MBNL1: variants seen among roughly 807,000 people sequenced by gnomAD.
MBNL1 encodes muscleblind like splicing regulator 1.
MBNL1 carries 8 observed loss-of-function variants against 42.2 expected under a neutral mutation model. The ratio of observed to expected loss-of-function variants is 0.19; its 90% CI spans 0.11 to 0.34. The LOEUF is 0.34. Among genes scored for constraint, MBNL1 ranks in the 10% least tolerant of loss-of-function variants. The probability of loss-of-function intolerance (pLI) is 1.00; values close to 1 mark genes in which losing one functional copy is unlikely to be tolerated. For missense variants in MBNL1, 309 were observed against 495.3 expected, an observed-to-expected ratio of 0.62 and a Z score of 3.57; for synonymous variants, 169 against 173.9, an observed-to-expected ratio of 0.97 and a Z score of 0.22.
intron 2 of MBNL1, among the ~76,000 whole-genome samples, chr3:152,412,602 T>C (rs2098607960): frequency 6.6e-6 from 1 of 152,118 alleles, no homozygotes; most frequent in African/African-American, 2.4e-5. Flanking sequence ...AGAATGAAAA[T>C]CAAAAGTCTG....
intron 3 of MBNL1, among the ~76,000 whole-genome samples, chr3:152,431,731 T>C (rs1053497292): frequency 1.3e-5 from 2 of 152,234 alleles, no homozygotes; most frequent in Non-Finnish European, 2.9e-5. Flanking sequence ...AGCATTAAAC[T>C]TCAAGAATTA....
intron 1 of MBNL1, among the ~76,000 whole-genome samples, chr3:152,287,354 C>T (rs930878629): frequency 2.0e-5 from 3 of 152,016 alleles, no homozygotes; most frequent in East Asian, 3.9e-4. Context: ...CTGAAGTAGT[C>T]GATGGAATAT....
Position 152,299,830 on chromosome 3 carries a change from C to T in MBNL1, c.-364C>T, listed in dbSNP as rs1234187247. On this transcript the variant is annotated 5_prime_UTR_variant, in exon 2 of 10. Transcript: ENST00000324210. ...GCTTGGAAATTCGGTGTCGAAGGGT[C>T]TGCCACGTTTTCATGCTTGCATTTT... The T allele has an allele frequency of 2.2e-5, 9 of 405,522 alleles. No individual in the cohort carries two copies. The highest frequency in any genetic ancestry group is 3.0e-5 in the Non-Finnish European group (7 of 230,524). The allele number at this position is 405,522 out of a possible 1,614,324, so 25.1% of individuals were successfully genotyped here.
intron 4 of MBNL1, among the ~76,000 whole-genome samples, chr3:152,433,427 A>G (rs2099032916): frequency 1.3e-5 from 2 of 152,212 alleles, no homozygotes; most frequent in African/African-American, 2.4e-5. Context: ...GTTGAAGTAG[A>G]AAGAAAACCT....
chr3:152,305,645 A>G (rs928316074), intron 2 of MBNL1, among the ~76,000 whole-genome samples: 2 of 152,194 alleles, frequency 1.3e-5, no homozygotes, highest in Non-Finnish European at 2.9e-5. Flanking sequence ...CACTGATGAT[A>G]GTTATTAGCA....
At chr3:152,351,699 T>C (rs542877059) in intron 2 of MBNL1, among the ~76,000 whole-genome samples, 52 of 152,306 alleles carry the variant, frequency 3.4e-4, no homozygotes, top group African/African-American at 1.2e-3. Context: ...TCACTAGCTA[T>C]GCAATCAGAT....
intron 2 of MBNL1, among the ~76,000 whole-genome samples, chr3:152,257,823 T>C (rs1055144969): frequency 6.6e-6 from 1 of 152,214 alleles, no homozygotes; most frequent in African/African-American, 2.4e-5. Context: ...AATATAGTGC[T>C]AAAGGAAGTG....
chr3:152,337,650 A>G (rs1259965232), intron 2 of MBNL1, among the ~76,000 whole-genome samples: 2 of 151,606 alleles, frequency 1.3e-5, no homozygotes, highest in Non-Finnish European at 2.9e-5. Flanking sequence ...AGGAAAAGAA[A>G]CACCAACTAA....
At chr3:152,329,130 C>T (rs1230534935) in intron 2 of MBNL1, among the ~76,000 whole-genome samples, 1 of 151,940 alleles carries the variant, frequency 6.6e-6, no homozygotes, top group African/African-American at 2.4e-5. Context: ...GAATGTGGAA[C>T]TGGAAGTGCT....
intron 1 of MBNL1, among the ~76,000 whole-genome samples, chr3:152,271,200 T>C (rs1263777461): frequency 6.6e-6 from 1 of 152,236 alleles, no homozygotes; most frequent in Admixed American, 6.5e-5. Context: ...AGACTCCAAG[T>C]TGAATTCATT....
chr3:152,347,512 C>T (rs763122463), intron 2 of MBNL1, among the ~76,000 whole-genome samples: 2 of 152,004 alleles, frequency 1.3e-5, no homozygotes, highest in Non-Finnish European at 2.9e-5. Flanking sequence ...TCAAATATGT[C>T]GACCTTTATA....
At chr3:152,297,344 G>GTTT (rs1201662855) in intron 1 of MBNL1, among the ~76,000 whole-genome samples, 7 of 124,358 alleles carry the variant, frequency 5.6e-5, no homozygotes, top group African/African-American at 1.5e-4. Context: ...TGGGGATGAG[G>GTTT]TTTTTTTTTT....
chr3:152,331,570 T>G (rs1188248209), intron 2 of MBNL1, among the ~76,000 whole-genome samples: 2 of 152,154 alleles, frequency 1.3e-5, no homozygotes, highest in Non-Finnish European at 2.9e-5. Context: ...TTATGCTTAT[T>G]AATTCATTTA....
At chr3:152,290,763 CATTT>C (rs2055456366) in intron 1 of MBNL1, among the ~76,000 whole-genome samples, 1 of 152,072 alleles carries the variant, frequency 6.6e-6, no homozygotes, top group Non-Finnish European at 1.5e-5. Flanking sequence ...AAATAATACT[CATTT>C]AAGTAAGCTT....
chr3:152,399,632 T>C (rs2098129361), intron 2 of MBNL1, among the ~76,000 whole-genome samples: 1 of 152,074 alleles, frequency 6.6e-6, no homozygotes, highest in Non-Finnish European at 1.5e-5. Context: ...CCCAAGTAGC[T>C]GGGACCAAAG....
intron 6 of MBNL1, 114 bp from the exon 7 acceptor site, chr3:152,455,425 CATA>C (rs1327103975): frequency 6.2e-6 from 5 of 800,532 alleles, no homozygotes; most frequent in East Asian, 4.9e-5. Flanking sequence ...CCACTGTTCC[CATA>C]ATAACAATTT....
intron 4 of MBNL1, among the ~76,000 whole-genome samples, chr3:152,444,598 A>G (rs2099194349): frequency 2.0e-5 from 3 of 152,344 alleles, no homozygotes; most frequent in South Asian, 4.1e-4. Flanking sequence ...AATATCTTAC[A>G]TAACTGTAGA....
intron 1 of MBNL1, among the ~76,000 whole-genome samples, chr3:152,295,335 A>G (rs1350115116): frequency 1.3e-5 from 2 of 152,226 alleles, no homozygotes; most frequent in Non-Finnish European, 2.9e-5. Flanking sequence ...AACTCTAGAA[A>G]TTAATTTTTA....
chr3:152,406,960 A>G (rs2098443934), intron 2 of MBNL1, among the ~76,000 whole-genome samples: 1 of 152,022 alleles, frequency 6.6e-6, no homozygotes, highest in African/African-American at 2.4e-5. Context: ...TGGTAAAGTT[A>G]CAAATTTGAA....
Sources: allele counts gnomAD v4.1 joint callset (sites outside exome capture counted in the v4.1 genomes callset), GRCh38; gene constraint gnomAD v4.1.1; transcripts MANE v1.5; gene names NCBI Gene and HGNC (gene_info 2026-07-23, HGNC 2026-07-21).